The following EPHB2 variants were observed in gnomAD, a reference collection of about 807,000 sequenced individuals.
EPHB2 encodes the protein EPH receptor B2.
In EPHB2, 18 loss-of-function variants were observed where a neutral mutation model predicts 96.4. That is an observed-to-expected ratio of 0.19 (90% confidence interval 0.13 to 0.28). The LOEUF is 0.28. Ranked by LOEUF, EPHB2 falls within the 10% of genes least tolerant of loss-of-function variation. EPHB2 has a pLI of 1.00. For synonymous variants in EPHB2, 506 were observed against 534.1 expected (o/e 0.95, Z 0.72); for missense variants, 989 against 1,355.4 (o/e 0.73, Z 4.25).
intron 3 of EPHB2, among the ~76,000 whole-genome samples, chr1:22,787,156 A>G (rs1644624034): frequency 6.6e-6 from 1 of 152,200 alleles, no homozygotes; most frequent in South Asian, 2.1e-4. Flanking sequence ...ATAAATGTAC[A>G]AAGGTGGTGA....
At chr1:22,817,978 C>A (rs1028721723) in intron 3 of EPHB2, among the ~76,000 whole-genome samples, 3 of 152,142 alleles carry the variant, frequency 2.0e-5, no homozygotes, top group Non-Finnish European at 4.4e-5. Flanking sequence ...AAGGGCCCAG[C>A]CCATTTATCT....
rs1639522112 is a variant in EPHB2 at position 22,895,343 on chromosome 1, T to C, written c.1592-129T>C. ...CTTTTCTGCATGGGCATGTAACAGG[T>C]GCTCTGTCAGGGGCAGGAACAGAGT... On this transcript the variant is annotated intron_variant, in intron 7 of 15. Coordinates refer to ENST00000374630, the MANE Select transcript of EPHB2 (RefSeq NM_017449.5). 3.7e-6 allele frequency: 3 copies of C among 808,278 alleles called. No individual in the cohort carries two copies. In the East Asian group the frequency reaches 7.9e-5, roughly 21 times the overall value. 50.1% of individuals were successfully genotyped at this position (808,278 alleles called of 1,614,324 possible).
chr1:22,720,626 C>T (rs910909951), intron 1 of EPHB2, among the ~76,000 whole-genome samples: 5 of 116,890 alleles, frequency 4.3e-5, no homozygotes, highest in African/African-American at 6.1e-5. Context: ...CCAGGGATGG[C>T]GGTGGGGAGG....
chr1:22,892,694 C>T (rs116119), intron 6 of EPHB2, 190 bp from the exon 7 acceptor site: 359,968 of 782,874 alleles, frequency 0.46, 86,223 homozygotes, highest in Non-Finnish European at 0.51. Flanking sequence ...CTCTGCCTAC[C>T]TTTGTGGGCA....
At position 22,915,388 on chromosome 1, in the gene EPHB2, C is replaced by G. The variant is rs1283864966; in HGVS notation, c.*1818C>G. 1 of 152,196 alleles carries G rather than the reference C, an allele frequency of 6.6e-6. No homozygotes were observed. The highest frequency in any genetic ancestry group is 1.5e-5 in the Non-Finnish European group (1 of 68,034). The allele number at this position is 152,196 out of a possible 1,614,324, so 9.4% of individuals were successfully genotyped here. On this transcript the variant is annotated 3_prime_UTR_variant, in exon 16 of 16. Transcript: ENST00000374630. ...TGGTACCCTTGGGATGCACGTGACCCAGGTGCTAAGGGTTGCTCTTCTAAG... is the reference window on the plus strand; with the variant it reads ...TGGTACCCTTGGGATGCACGTGACCGAGGTGCTAAGGGTTGCTCTTCTAAG...
chr1:22,811,043 A>G (rs1321940634), intron 3 of EPHB2, among the ~76,000 whole-genome samples: 1 of 151,962 alleles, frequency 6.6e-6, no homozygotes, highest in African/African-American at 2.4e-5. Flanking sequence ...CAGCTTGACA[A>G]CCCATGTGCT....
intron 5 of EPHB2, among the ~76,000 whole-genome samples, chr1:22,874,246 A>C (rs1191497062): frequency 6.6e-6 from 1 of 152,200 alleles, no homozygotes; most frequent in Non-Finnish European, 1.5e-5. Context: ...ACAGGTCTTC[A>C]TTTAACCTTC....
At chr1:22,760,490 C>T (rs139489578) in intron 1 of EPHB2, among the ~76,000 whole-genome samples, 44 of 152,306 alleles carry the variant, frequency 2.9e-4, no homozygotes, top group Non-Finnish European at 5.6e-4. Flanking sequence ...CCACCTGTGC[C>T]CTCTTCCCCA....
chr1:22,782,854 C>A (rs888748054), intron 2 of EPHB2, among the ~76,000 whole-genome samples: 2 of 152,194 alleles, frequency 1.3e-5, no homozygotes, highest in African/African-American at 4.8e-5. Context: ...AGCTCCAGAC[C>A]TGCCCTCCCC....
chr1:22,718,960 T>C (rs1270642750), intron 1 of EPHB2, among the ~76,000 whole-genome samples: 1 of 152,174 alleles, frequency 6.6e-6, no homozygotes, highest in African/African-American at 2.4e-5. Context: ...GATGAGGGTC[T>C]CTAAGGCAGC....
At chr1:22,724,054 G>A (rs1464676214) in intron 1 of EPHB2, among the ~76,000 whole-genome samples, 1 of 152,176 alleles carries the variant, frequency 6.6e-6, no homozygotes, top group Non-Finnish European at 1.5e-5. Flanking sequence ...TAGGCGTCTG[G>A]CTCCAAGATA....
rs530221733 is a variant in EPHB2 at position 22,896,599 on chromosome 1, G to T, written c.1765+121G>T. 10 of 1,368,224 alleles carry T rather than the reference G, an allele frequency of 7.3e-6. No individual in the cohort carries two copies. In the South Asian group the frequency reaches 8.4e-5, roughly 11 times the overall value. The allele number at this position is 1,368,224 out of a possible 1,614,324, so 84.8% of individuals were successfully genotyped here. A position where few individuals can be genotyped will look rare whatever the true frequency, so the allele number is the denominator to read the frequency against. ...TGCAGGCAGACAATGTCAAGTGGTTGCCTGGTTGCACTAAGCTCACTCTCA... is the reference window on the plus strand; with the variant it reads ...TGCAGGCAGACAATGTCAAGTGGTTTCCTGGTTGCACTAAGCTCACTCTCA... On this transcript the variant is annotated intron_variant, in intron 9 of 15. Coordinates refer to ENST00000374630, the MANE Select transcript of EPHB2 (RefSeq NM_017449.5).
intron 5 of EPHB2, among the ~76,000 whole-genome samples, chr1:22,871,299 C>T (rs1557725765): frequency 6.6e-6 from 1 of 152,194 alleles, no homozygotes; most frequent in Admixed American, 6.5e-5. Context: ...TATGCTCCAT[C>T]CATACCACAG....
chr1:22,748,726 A>G (rs1264680190), intron 1 of EPHB2, among the ~76,000 whole-genome samples: 1 of 149,760 alleles, frequency 6.7e-6, no homozygotes, highest in African/African-American at 2.5e-5. Context: ...CCTGAGATAT[A>G]TGTACATACA....
intron 4 of EPHB2, among the ~76,000 whole-genome samples, chr1:22,864,236 G>A (rs1638388750): frequency 1.3e-5 from 2 of 151,980 alleles, no homozygotes; most frequent in East Asian, 1.9e-4. Context: ...TAGTAGAGAC[G>A]GGGTTTCCTA....
chr1:22,720,208 C>G (rs1289948644), intron 1 of EPHB2, among the ~76,000 whole-genome samples: 1 of 152,192 alleles, frequency 6.6e-6, no homozygotes, highest in Non-Finnish European at 1.5e-5. Flanking sequence ...CAAAGTGTCA[C>G]CCCTGCAGCC....
chr1:22,739,927 CAG>C (rs1287641363), intron 1 of EPHB2, among the ~76,000 whole-genome samples: 1 of 152,122 alleles, frequency 6.6e-6, no homozygotes, highest in African/African-American at 2.4e-5. Flanking sequence ...GTTTTGAACA[CAG>C]AGAAGAATTC....
intron 1 of EPHB2, among the ~76,000 whole-genome samples, chr1:22,755,495 C>T (rs1374727686): frequency 3.9e-5 from 6 of 152,210 alleles, no homozygotes; most frequent in African/African-American, 7.2e-5. Context: ...CCTCCCTGCC[C>T]TTCTGGCCCA....
intron 1 of EPHB2, among the ~76,000 whole-genome samples, chr1:22,743,790 A>G (rs1192556287): frequency 2.0e-5 from 3 of 152,186 alleles, no homozygotes; most frequent in Non-Finnish European, 1.5e-5. Context: ...ATTAAAGTAG[A>G]TGATAGCCCC....
Sources: allele counts gnomAD v4.1 joint callset (sites outside exome capture counted in the v4.1 genomes callset), GRCh38; gene constraint gnomAD v4.1.1; transcripts MANE v1.5; gene names NCBI Gene and HGNC (gene_info 2026-07-23, HGNC 2026-07-21).